HIGD1C: variants seen among roughly 807,000 people sequenced by gnomAD.
HIGD1C encodes the protein HIG1 hypoxia inducible domain family member 1C, also known as HIG1 domain family member 1C.
A neutral mutation model predicts 13.1 loss-of-function variants in HIGD1C; 11 were observed. The ratio of observed to expected loss-of-function variants is 0.84; its 90% CI spans 0.53 to 1.39. The LOEUF is 1.39. Ranked by LOEUF, HIGD1C falls within the 40% of genes most tolerant of loss-of-function variation. The pLI is 0.00. For synonymous variants in HIGD1C, 36 were observed against 37.7 expected (o/e 0.95, Z 0.17); for missense variants, 110 against 112.0 (o/e 0.98, Z 0.08).
Position 50,970,461 on chromosome 12 carries a change from TA to T in HIGD1C, c.251del (p.Lys84ArgfsTer?). The T allele has an allele frequency of 6.6e-7, 1 of 1,518,760 alleles. No homozygotes were observed. The highest frequency in any genetic ancestry group is 8.9e-7 in the Non-Finnish European group (1 of 1,117,406). 94.1% of individuals were successfully genotyped at this position (1,518,760 alleles called of 1,614,324 possible). A position where few individuals can be genotyped will look rare whatever the true frequency, so the allele number is the denominator to read the frequency against. ...TTCTAGGTGTTCTCTATTCTATGTA[TA>T]AGGATTACATTAGACCACGATTCTT... On this transcript the variant is annotated frameshift_variant, in exon 3 of 3. Coordinates refer to ENST00000398455, the Ensembl canonical transcript of HIGD1C. LOFTEE classifies it high-confidence loss of function.
chr12:50,954,258 G>A (rs17125126), intron 1 of HIGD1C, 166 bp downstream of exon 3: 13,105 of 475,220 alleles, frequency 0.028, 361 homozygotes, highest in East Asian at 0.089. Flanking sequence ...CTAATACATG[G>A]TAAGCCCCCA....
the HIGD1C span, among the ~76,000 whole-genome samples, chr12:50,940,801 C>T: frequency 9.9e-5 from 15 of 151,730 alleles, no homozygotes; most frequent in East Asian, 2.9e-3. Flanking sequence ...ATGCTGTATA[C>T]CAAGTTGCTT....
the HIGD1C span, among the ~76,000 whole-genome samples, chr12:50,948,550 T>C: frequency 6.6e-6 from 1 of 151,704 alleles, no homozygotes; most frequent in Non-Finnish European, 1.5e-5. Flanking sequence ...CTTCTGGGAA[T>C]TTACCCTGAA....
chr12:50,963,459 T>C (rs1421866032), intron 2 of HIGD1C, among the ~76,000 whole-genome samples: 1 of 141,116 alleles, frequency 7.1e-6, no homozygotes, highest in African/African-American at 2.6e-5. Flanking sequence ...GCTAGAACAA[T>C]ACACAGGACA....
intron 2 of HIGD1C, among the ~76,000 whole-genome samples, chr12:50,969,066 G>A (rs1323249199): frequency 2.0e-4 from 31 of 151,470 alleles, no homozygotes; most frequent in Admixed American, 1.4e-3. Context: ...AGGCAGAGGC[G>A]GGTGGATCAC....
chr12:50,943,036 T>C, the HIGD1C span, among the ~76,000 whole-genome samples: 3 of 151,404 alleles, frequency 2.0e-5, no homozygotes, highest in Non-Finnish European at 4.4e-5. Flanking sequence ...CAGCTAATTT[T>C]TGTATTTTTA....
At chr12:50,961,807 C>A (rs771908385) in intron 2 of HIGD1C, among the ~76,000 whole-genome samples, 2 of 152,094 alleles carry the variant, frequency 1.3e-5, no homozygotes, top group Non-Finnish European at 2.9e-5. Flanking sequence ...AGTCATCCTG[C>A]GTAGGATGGA....
intron 2 of HIGD1C, among the ~76,000 whole-genome samples, chr12:50,967,271 A>G (rs1461812591): frequency 6.6e-6 from 1 of 151,942 alleles, no homozygotes; most frequent in Admixed American, 6.6e-5. Context: ...CCTCATTCCC[A>G]CAGAGCTGGG....
chr12:50,970,615 C>T (rs1939728393), downstream of HIGD1C: 2 of 667,882 alleles, frequency 3.0e-6, no homozygotes, highest in East Asian at 5.5e-5. Context: ...TCACAGAATG[C>T]TCATAGCCTT....
chr12:50,961,980 G>C (rs1939346780), intron 2 of HIGD1C, among the ~76,000 whole-genome samples: 1 of 152,164 alleles, frequency 6.6e-6, no homozygotes, highest in African/African-American at 2.4e-5. Flanking sequence ...CTATGTACCA[G>C]ACACTGTTTA....
the HIGD1C span, among the ~76,000 whole-genome samples, chr12:50,945,402 C>T: frequency 6.6e-6 from 1 of 152,160 alleles, no homozygotes; most frequent in Non-Finnish European, 1.5e-5. Flanking sequence ...GATACAAAAT[C>T]AATGTGCAAA....
At chr12:50,962,216 T>C (rs970747162) in intron 2 of HIGD1C, among the ~76,000 whole-genome samples, 1 of 147,982 alleles carries the variant, frequency 6.8e-6, no homozygotes, top group Middle Eastern at 3.4e-3. Context: ...CAAAACCCCA[T>C]CTCTACTAAA....
At position 50,961,111 on chromosome 12, in the gene HIGD1C, C is replaced by T; in HGVS notation, c.229+9C>T. 1 of 1,613,258 alleles carries T rather than the reference C, an allele frequency of 6.2e-7. No homozygotes were observed. Among genetic ancestry groups the T allele is most frequent in the Non-Finnish European group, 8.5e-7 (1 of 1,179,528 alleles). ...TGGAGCTGTGACTCTAGGTAACCCGCTTAATTTGTATCTTATGTTCAGCTG... is the reference window on the plus strand; with the variant it reads ...TGGAGCTGTGACTCTAGGTAACCCGTTTAATTTGTATCTTATGTTCAGCTG... On this transcript the variant is annotated intron_variant, in intron 2 of 2. Coordinates refer to ENST00000398455, the Ensembl canonical transcript of HIGD1C.
the HIGD1C span, chr12:50,932,517 A>G: frequency 1.3e-5 from 2 of 152,262 alleles, no homozygotes; most frequent in Non-Finnish European, 2.9e-5. Flanking sequence ...AATATGGTTT[A>G]TATCTTTGCT....
upstream of HIGD1C, among the ~76,000 whole-genome samples, chr12:50,951,333 T>C (rs767668224): frequency 9.9e-5 from 15 of 152,124 alleles, no homozygotes; most frequent in Non-Finnish European, 1.9e-4. Flanking sequence ...TGGGAATATT[T>C]ACAACACAGA....
chr12:50,936,349 A>G, the HIGD1C span, among the ~76,000 whole-genome samples: 4,269 of 152,160 alleles, frequency 0.028, 201 homozygotes, highest in African/African-American at 0.098. Context: ...GGCTCAAGCA[A>G]TTCTCAAGTC....
chr12:50,961,059 G>C (rs145639855), exon 2 of HIGD1C: 2 of 1,612,484 alleles, frequency 1.2e-6, no homozygotes, highest in Admixed American at 1.7e-5. Flanking sequence ...TTATTCACAT[G>C]AGAGTTGCTG....
chr12:50,954,739 C>T (rs187043459), intron 1 of HIGD1C, among the ~76,000 whole-genome samples: 14 of 152,136 alleles, frequency 9.2e-5, no homozygotes, highest in Admixed American at 3.3e-4. Context: ...AACAAACAAA[C>T]AAATAAACAA....
intron 1 of HIGD1C, 200 bp downstream of exon 3, chr12:50,954,292 G>C (rs1332734383): frequency 6.7e-6 from 3 of 445,764 alleles, no homozygotes; most frequent in East Asian, 3.4e-5. Flanking sequence ...GTTATTTGAG[G>C]CATCAAATTT....
Sources: gnomAD v4.1 joint callset for allele counts (sites outside exome capture counted in the v4.1 genomes callset) on GRCh38, gnomAD v4.1.1 for gene constraint, MANE v1.5 for transcripts, NCBI Gene and HGNC (gene_info 2026-07-23, HGNC 2026-07-21) for gene names.